The following ANKDD1B variants were observed in gnomAD, a reference collection of about 807,000 sequenced individuals.
ANKDD1B encodes the protein ankyrin repeat and death domain containing 1B.
ANKDD1B carries 57 observed loss-of-function variants against 59.7 expected under a neutral mutation model. The ratio of observed to expected loss-of-function variants is 0.95; its 90% CI spans 0.77 to 1.19. The LOEUF (loss-of-function observed/expected upper bound fraction) is 1.19, where lower values mean the gene tolerates loss of function less well. ANKDD1B is among the 50% of genes most tolerant of loss of function. ANKDD1B has a pLI of 0.00. For synonymous variants in ANKDD1B, 216 were observed against 239.5 expected (o/e 0.90, Z 0.91); for missense variants, 602 against 641.9 (o/e 0.94, Z 0.67).
chr5:75,652,118 C>T (rs907247733), intron 7 of ANKDD1B, among the ~76,000 whole-genome samples: 1 of 152,122 alleles, frequency 6.6e-6, no homozygotes, highest in African/African-American at 2.4e-5. Context: ...GCAGCAATTG[C>T]GGGAAAGCAA....
intron 7 of ANKDD1B, among the ~76,000 whole-genome samples, chr5:75,652,850 A>G (rs1774867005): frequency 6.6e-6 from 1 of 152,188 alleles, no homozygotes; most frequent in Non-Finnish European, 1.5e-5. Context: ...CCAAACCTAG[A>G]TGGTACAGCC....
chr5:75,628,936 TAGAA>T lies in ANKDD1B; in HGVS notation c.600+2984_600+2987del, dbSNP rs1230925104. On this transcript the variant is annotated intron_variant, in intron 5 of 13. Transcript: ENST00000601380. ...TAACATGTTTGGGGAGGGAGAGAAA[TAGAA>T]AGGCCTCACACGCCATTCATATATT... Among the ~76,000 whole-genome samples, 4 of 152,184 alleles carry T rather than the reference TAGAA, an allele frequency of 2.6e-5. No individual in the cohort carries two copies. The East Asian group carries it at 7.7e-4, about 29-fold the overall frequency.
chr5:75,639,723 A>T (rs1225187924), intron 7 of ANKDD1B, among the ~76,000 whole-genome samples: 1 of 152,180 alleles, frequency 6.6e-6, no homozygotes, highest in East Asian at 1.9e-4. Flanking sequence ...GGGAATGGGG[A>T]AGGAATTCTG....
chr5:75,616,942 T>G, intron 2 of ANKDD1B, 35 bp downstream of exon 2: 1 of 973,190 alleles, frequency 1.0e-6, no homozygotes, highest in Non-Finnish European at 1.5e-6. Context: ...AAGTGACTTC[T>G]CCAGTAATGG....
chr5:75,648,536 C>T (rs552466327), intron 7 of ANKDD1B, among the ~76,000 whole-genome samples: 3 of 152,304 alleles, frequency 2.0e-5, no homozygotes, highest in South Asian at 2.1e-4. Context: ...TCTCCCCATC[C>T]GACTGAGACT....
chr5:75,636,982 C>G (rs139769180), intron 7 of ANKDD1B, among the ~76,000 whole-genome samples: 1 of 151,844 alleles, frequency 6.6e-6, no homozygotes, highest in Non-Finnish European at 1.5e-5. Context: ...TGCGCTGGCT[C>G]ACACCTATAA....
chr5:75,613,631 T>C (rs1386781965), intron 1 of ANKDD1B, among the ~76,000 whole-genome samples: 1 of 152,166 alleles, frequency 6.6e-6, no homozygotes, highest in Non-Finnish European at 1.5e-5. Flanking sequence ...CGTAGATTAG[T>C]AAATTCAGAT....
At chr5:75,670,536 T>C (rs1490887789) in intron 13 of ANKDD1B, among the ~76,000 whole-genome samples, 1 of 151,098 alleles carries the variant, frequency 6.6e-6, no homozygotes, top group Non-Finnish European at 1.5e-5. Context: ...CCAAGAAGTT[T>C]GTATATTTGT....
At position 75,671,814 on chromosome 5, in the gene ANKDD1B, A is replaced by C. The variant is rs1373322514; in HGVS notation, c.*774A>C. 6.8e-6 allele frequency: 1 copy of C among 146,590 alleles called. No homozygotes were observed. Among genetic ancestry groups the C allele is most frequent in the Non-Finnish European group, 1.5e-5 (1 of 66,580 alleles). 9.1% of individuals were successfully genotyped at this position (146,590 alleles called of 1,614,324 possible). A position where few individuals can be genotyped will look rare whatever the true frequency, so the allele number is the denominator to read the frequency against. ...GAACATGCATTATTTTTGTAATCTA[A>C]GAGTTATGAAATAAATGTAAAATTG... On this transcript the variant is annotated 3_prime_UTR_variant, in exon 14 of 14. Transcript: ENST00000601380.
intron 11 of ANKDD1B, 138 bp from the exon 12 acceptor site, chr5:75,666,653 TG>T: frequency 3.3e-6 from 2 of 598,690 alleles, no homozygotes; most frequent in South Asian, 2.3e-5. Flanking sequence ...AATATATATA[TG>T]ATCCAGTGAC....
intron 7 of ANKDD1B, among the ~76,000 whole-genome samples, chr5:75,638,613 TAGC>T (rs1013757503): frequency 6.6e-6 from 1 of 152,162 alleles, no homozygotes. Flanking sequence ...AAAAAATAAA[TAGC>T]AGTTTTGTAT....
At chr5:75,665,186 G>A (rs1228781582) in intron 11 of ANKDD1B, among the ~76,000 whole-genome samples, 1 of 152,176 alleles carries the variant, frequency 6.6e-6, no homozygotes, top group South Asian at 2.1e-4. Flanking sequence ...AAATAGTTCA[G>A]TGTTTTGGCA....
At chr5:75,665,319 G>A (rs947121706) in intron 11 of ANKDD1B, among the ~76,000 whole-genome samples, 25 of 152,252 alleles carry the variant, frequency 1.6e-4, no homozygotes, top group Non-Finnish European at 5.9e-5. Context: ...AACCATGTAA[G>A]TTTCTTGAAG....
intron 8 of ANKDD1B, among the ~76,000 whole-genome samples, chr5:75,654,257 A>G (rs1479751898): frequency 6.6e-6 from 1 of 151,178 alleles, no homozygotes; most frequent in Non-Finnish European, 1.5e-5. Flanking sequence ...CCATCCATCT[A>G]CCCCCATCTC....
chr5:75,633,305 A>G (rs1774214772), intron 5 of ANKDD1B, among the ~76,000 whole-genome samples: 1 of 152,134 alleles, frequency 6.6e-6, no homozygotes, highest in Non-Finnish European at 1.5e-5. Context: ...AATTAGGTGA[A>G]CTTTTTGGTG....
intron 5 of ANKDD1B, among the ~76,000 whole-genome samples, chr5:75,628,557 T>C (rs545728397): frequency 6.6e-6 from 1 of 152,346 alleles, no homozygotes; most frequent in Non-Finnish European, 1.5e-5. Flanking sequence ...ACAGTGTTAC[T>C]CTCTTGCCTA....
intron 7 of ANKDD1B, among the ~76,000 whole-genome samples, chr5:75,638,267 G>A (rs1774368504): frequency 6.6e-6 from 1 of 152,092 alleles, no homozygotes; most frequent in South Asian, 2.1e-4. Context: ...GGCACATTGG[G>A]GAAAACTCAT....
intron 5 of ANKDD1B, among the ~76,000 whole-genome samples, chr5:75,629,957 C>T (rs969087319): frequency 2.0e-5 from 3 of 152,058 alleles, no homozygotes; most frequent in Non-Finnish European, 2.9e-5. Context: ...AAATAGACAT[C>T]GAGTTAATAG....
intron 5 of ANKDD1B, among the ~76,000 whole-genome samples, chr5:75,630,955 A>G (rs931656874): frequency 2.0e-5 from 3 of 152,244 alleles, no homozygotes; most frequent in Non-Finnish European, 2.9e-5. Context: ...ATGTTTATAT[A>G]TAAATCTCAG....
Sources: allele counts gnomAD v4.1 joint callset (sites outside exome capture counted in the v4.1 genomes callset), GRCh38; gene constraint gnomAD v4.1.1; transcripts MANE v1.5; gene names NCBI Gene and HGNC (gene_info 2026-07-23, HGNC 2026-07-21).